The following NKAIN3 variants were observed in gnomAD, a reference collection of about 807,000 sequenced individuals.
NKAIN3 encodes sodium/potassium-transporting ATPase subunit beta-1-interacting protein 3.
In NKAIN3, 25 loss-of-function variants were observed where a neutral mutation model predicts 30.2. That is an observed-to-expected ratio of 0.83 (90% CI 0.60 to 1.16). The LOEUF is 1.16. Ranked by LOEUF, NKAIN3 falls within the 50% of genes most tolerant of loss-of-function variation. The pLI, the probability that NKAIN3 is intolerant of heterozygous loss-of-function variation, is 0.00. For synonymous variants in NKAIN3, 91 were observed against 89.6 expected, an observed-to-expected ratio of 1.02 and a Z score of -0.09; for missense variants, 225 against 254.1, an observed-to-expected ratio of 0.89 and a Z score of 0.78.
chr8:62,571,880 G>T (rs1462961387), intron 1 of NKAIN3, among the ~76,000 whole-genome samples: 2 of 152,054 alleles, frequency 1.3e-5, no homozygotes, highest in Non-Finnish European at 2.9e-5. Context: ...AGGAACCCTG[G>T]GCCGGCCCAC....
intron 1 of NKAIN3, among the ~76,000 whole-genome samples, chr8:62,559,172 AGTT>A (rs1279619802): frequency 2.0e-5 from 3 of 151,968 alleles, no homozygotes; most frequent in Non-Finnish European, 4.4e-5. Context: ...AATGGGATCT[AGTT>A]GTTTGATTAT....
At chr8:62,600,366 G>T (rs1240112173) in intron 3 of NKAIN3, among the ~76,000 whole-genome samples, 1 of 152,018 alleles carries the variant, frequency 6.6e-6, no homozygotes, top group Non-Finnish European at 1.5e-5. Context: ...ATAGGCAGGG[G>T]ACAGGGGAGG....
intron 1 of NKAIN3, among the ~76,000 whole-genome samples, chr8:62,535,322 G>C (rs989282314): frequency 6.6e-6 from 1 of 152,014 alleles, no homozygotes; most frequent in Non-Finnish European, 1.5e-5. Flanking sequence ...CATATGTGTG[G>C]GGTGTTTTTC....
intron 1 of NKAIN3, among the ~76,000 whole-genome samples, chr8:62,521,463 A>G (rs903764186): frequency 1.3e-5 from 2 of 152,146 alleles, no homozygotes; most frequent in East Asian, 3.9e-4. Flanking sequence ...CTGTGTTTTC[A>G]ATGGGCAGTA....
chr8:62,651,413 T>C (rs1812614811), intron 3 of NKAIN3, among the ~76,000 whole-genome samples: 1 of 152,190 alleles, frequency 6.6e-6, no homozygotes, highest in Non-Finnish European at 1.5e-5. Flanking sequence ...TTCATCTCAT[T>C]AAATCTTATT....
chr8:62,913,787 G>A (rs1186037985), intron 4 of NKAIN3, among the ~76,000 whole-genome samples: 1 of 152,094 alleles, frequency 6.6e-6, no homozygotes, highest in African/African-American at 2.4e-5. Flanking sequence ...AAACAACAAT[G>A]ATCTAATCAA....
chr8:62,488,237 G>A (rs982455255), intron 1 of NKAIN3, among the ~76,000 whole-genome samples: 8 of 152,064 alleles, frequency 5.3e-5, no homozygotes, highest in African/African-American at 1.4e-4. Context: ...CACCCACAGA[G>A]AACATCTCAG....
At chr8:62,476,343 G>T (rs913657973) in intron 1 of NKAIN3, among the ~76,000 whole-genome samples, 1 of 152,004 alleles carries the variant, frequency 6.6e-6, no homozygotes, top group African/African-American at 2.4e-5. Flanking sequence ...TTGTGGAAGC[G>T]TTGACTATTG....
At chr8:62,529,545 G>A (rs1413988664) in intron 1 of NKAIN3, among the ~76,000 whole-genome samples, 1 of 151,982 alleles carries the variant, frequency 6.6e-6, no homozygotes, top group African/African-American at 2.4e-5. Flanking sequence ...GAGAGCTAGG[G>A]TGCCCCTTCC....
At chr8:62,643,575 C>T (rs1812373662) in intron 3 of NKAIN3, among the ~76,000 whole-genome samples, 1 of 152,052 alleles carries the variant, frequency 6.6e-6, no homozygotes, top group African/African-American at 2.4e-5. Context: ...GGCCTGGATC[C>T]CCTCTCCACA....
At chr8:62,469,980 A>G (rs764333193) in intron 1 of NKAIN3, among the ~76,000 whole-genome samples, 1 of 152,220 alleles carries the variant, frequency 6.6e-6, no homozygotes, top group Non-Finnish European at 1.5e-5. Flanking sequence ...AGATCCTGGT[A>G]TGCTTTGCAG....
chr8:62,845,720 C>T (rs1196676934), intron 4 of NKAIN3, among the ~76,000 whole-genome samples: 4 of 152,032 alleles, frequency 2.6e-5, no homozygotes, highest in African/African-American at 9.7e-5. Context: ...GCAGGCAGGA[C>T]TGGGAGCTAG....
chr8:62,575,560 A>T (rs1810081779), intron 1 of NKAIN3, among the ~76,000 whole-genome samples: 1 of 152,140 alleles, frequency 6.6e-6, no homozygotes, highest in Non-Finnish European at 1.5e-5. Context: ...CACAGATCTG[A>T]GGTGCTCTCT....
intron 1 of NKAIN3, among the ~76,000 whole-genome samples, chr8:62,573,160 C>T (rs917699826): frequency 6.6e-6 from 1 of 152,126 alleles, no homozygotes; most frequent in African/African-American, 2.4e-5. Context: ...TAACATTCAG[C>T]CCATTCCAAC....
chr8:62,796,849 A>G (rs1817878323), intron 4 of NKAIN3, among the ~76,000 whole-genome samples: 1 of 139,654 alleles, frequency 7.2e-6, no homozygotes, highest in African/African-American at 2.5e-5. Context: ...GCTTAACAAA[A>G]ATTTCAAGGC....
chr8:62,743,053 A>G (rs1032561998), intron 3 of NKAIN3, among the ~76,000 whole-genome samples: 5 of 152,230 alleles, frequency 3.3e-5, no homozygotes, highest in Middle Eastern at 3.4e-3. Context: ...ATTACCTCCA[A>G]CAGGTCCCTT....
At chr8:62,959,626 A>T (rs1246242269) in intron 6 of NKAIN3, among the ~76,000 whole-genome samples, 1 of 152,170 alleles carries the variant, frequency 6.6e-6, no homozygotes, top group East Asian at 1.9e-4. Flanking sequence ...TAGCCTTCAC[A>T]TCTTATATTT....
intron 1 of NKAIN3, among the ~76,000 whole-genome samples, chr8:62,469,530 A>T (rs1303874057): frequency 2.0e-5 from 3 of 152,130 alleles, no homozygotes; most frequent in African/African-American, 4.8e-5. Context: ...CACAGAGAAG[A>T]CCTGCCTTGT....
intron 3 of NKAIN3, among the ~76,000 whole-genome samples, chr8:62,725,043 G>T (rs1368206647): frequency 6.6e-6 from 1 of 151,966 alleles, no homozygotes; most frequent in Non-Finnish European, 1.5e-5. Context: ...ACCAGCATTT[G>T]TTATTGCCTG....
Sources: gnomAD v4.1 joint callset for allele counts (sites outside exome capture counted in the v4.1 genomes callset) on GRCh38, gnomAD v4.1.1 for gene constraint, MANE v1.5 for transcripts, NCBI Gene and HGNC (gene_info 2026-07-23, HGNC 2026-07-21) for gene names.